TROAP: variants seen among roughly 807,000 people sequenced by gnomAD.
TROAP encodes the protein trophinin associated protein, also known as tastin.
Under a neutral mutation model 83.4 loss-of-function variants are expected in TROAP, and 62 were observed. That is an observed-to-expected ratio of 0.74 (90% CI 0.61 to 0.92). TROAP has a LOEUF of 0.92. Among genes scored for constraint, TROAP ranks in the 40% least tolerant of loss-of-function variants. The pLI, the probability that TROAP is intolerant of heterozygous loss-of-function variation, is 0.00. For synonymous variants in TROAP, 352 were observed against 386.4 expected (o/e 0.91, Z 1.04); for missense variants, 876 against 985.1 (o/e 0.89, Z 1.48).
chr12:49,325,366 TAA>T (rs541818565), intron 3 of TROAP, 133 bp from the exon 4 acceptor site: 10,855 of 753,454 alleles, frequency 0.014, 7 homozygotes, highest in African/African-American at 0.026. Context: ...ATCTATTTCT[TAA>T]AAAAAAAAAA....
Position 49,331,247 on chromosome 12 carries a change from T to C in TROAP, c.2132T>C (p.Leu711Pro). 6.2e-7 allele frequency: 1 copy of C among 1,614,216 alleles called. No individual in the cohort carries two copies. The highest frequency in any genetic ancestry group is 8.5e-7 in the Non-Finnish European group (1 of 1,180,038). Residue 711 changes from leucine (L) to proline (P), a missense_variant, in exon 14 of 15, where the codon CTG becomes CCG. This residue lies in a region of TROAP where 184 missense variants were observed against 238.3 expected (regional missense o/e 0.77). Transcript: ENST00000257909. ...LSNLAPRTLA[L>P]RERLKSCLTA... ...AATCTGGCCCCTCGAACCCTAGCCC[T>C]GAGGGAGCGCCTCAAATCGTGTTTA...
rs575406412 is a variant in TROAP at position 49,325,749 on chromosome 12, T to G, written c.498T>G (p.Gly166=). Residue 166 remains glycine (G), a splice_region_variant and synonymous_variant, in exon 5 of 15, where the codon GGT becomes GGG. Coordinates refer to ENST00000257909, the MANE Select transcript of TROAP (RefSeq NM_005480.4). The part of the protein sequence containing the change: ...SQGGTTQRVQ[G]VRASAYLAPR... ...GACAGCCTCTGTTGGTGTCCCAGGGTGTTCGGGCCTCTGCATATTTGGCCC... is the reference window on the plus strand; with the variant it reads ...GACAGCCTCTGTTGGTGTCCCAGGGGGTTCGGGCCTCTGCATATTTGGCCC... 6.2e-7 allele frequency: 1 copy of G among 1,613,484 alleles called. No individual in the cohort carries two copies. Among genetic ancestry groups the G allele is most frequent in the East Asian group, 2.2e-5 (1 of 44,882 alleles).
At chr12:49,331,106 G>A (rs1943575241) in intron 13 of TROAP, 108 bp from the exon 14 acceptor site, 1 of 1,551,722 alleles carries the variant, frequency 6.4e-7, no homozygotes, top group Non-Finnish European at 8.8e-7. Context: ...TGCACTTCCA[G>A]CCCTGTGCTC....
chr12:49,326,452 G>C (rs1943502465), intron 6 of TROAP, among the ~76,000 whole-genome samples: 2 of 152,196 alleles, frequency 1.3e-5, no homozygotes, highest in Non-Finnish European at 2.9e-5. Flanking sequence ...CAATAAGTGG[G>C]ATTTGGGTTT....
chr12:49,330,148 A>G lies in TROAP; in HGVS notation c.1303A>G (p.Ile435Val), dbSNP rs144871178. ...PSLQEVKIQRIGILQQLLRQE... is the reference protein window; with the variant it reads ...PSLQEVKIQRVGILQQLLRQE... ...GGGGTGCTCTCTCCCACCACAGCGC[A>G]TCGGTATCCTGCAACAGCTGTTGAG... Residue 435 changes from isoleucine to valine, a missense_variant, in exon 13 of 15, where the codon ATC becomes GTC. Physicochemically the swap from Ile to Val is conservative, Grantham distance 29 (BLOSUM62 3). This residue lies in a region of TROAP where 689 missense variants were observed against 722.6 expected (regional missense o/e 0.95). Coordinates refer to ENST00000257909, the MANE Select transcript of TROAP (RefSeq NM_005480.4). 3.7e-5 allele frequency: 60 copies of G among 1,613,582 alleles called. No homozygotes were observed. The African/African-American group carries it at 5.9e-4, about 16-fold the overall frequency.
chr12:49,326,775 G>A, intron 7 of TROAP, 55 bp downstream of exon 7: 1 of 1,541,952 alleles, frequency 6.5e-7, no homozygotes. Context: ...CCTGAAGCAG[G>A]GAACAAGACC....
chr12:49,329,452 TG>T lies in TROAP; in HGVS notation c.1164+1del. 6.2e-7 allele frequency: 1 copy of T among 1,608,740 alleles called. No homozygotes were observed. The highest frequency in any genetic ancestry group is 8.5e-7 in the Non-Finnish European group (1 of 1,177,102). ...CTGCTCTGAAGATCCTGCCCTGCCCTGGGTAAGTATCAGAAGCTTCCCCCTA... is the reference window on the plus strand; with the variant it reads ...CTGCTCTGAAGATCCTGCCCTGCCCTGGTAAGTATCAGAAGCTTCCCCCTA... ...QSCSEDPALP[W>X]EQVAVRLFDQ... is the part of the protein sequence containing the mutation. On this transcript the variant is annotated frameshift_variant and splice_region_variant, in exon 11 of 15. Coordinates refer to ENST00000257909, the MANE Select transcript of TROAP (RefSeq NM_005480.4). LOFTEE classifies it high-confidence loss of function. This position sits in a 1 kb window ranked among gnomAD's most constrained non-coding sequence, Gnocchi z 4.5.
chr12:49,325,874 T>C lies in TROAP; in HGVS notation c.623T>C (p.Leu208Pro). Residue 208 changes from leucine (L) to proline (P), a missense_variant, in exon 5 of 15, where the codon CTA (leucine) becomes CCA (proline). By Grantham distance (98) the Leu-to-Pro change is moderately conservative. Transcript: ENST00000257909. ...GGCCGGACATTGTGCCCCCAGAGGC[T>C]ACAGGCTCTGGTGAGTGCCCTTGAG... is the stretch of plus-strand genomic sequence containing the variant. ...PRGRTLCPQR[L>P]QALISPSGPS... The C allele has an allele frequency of 1.9e-6, 3 of 1,613,316 alleles. No homozygotes were observed. The highest frequency in any genetic ancestry group is 2.5e-6 in the Non-Finnish European group (3 of 1,179,878).
rs774899467 is a variant in TROAP at position 49,330,751 on chromosome 12, TG to T, written c.1907del (p.Cys636SerfsTer4). 1 of 1,614,012 alleles carries T rather than the reference TG, an allele frequency of 6.2e-7. No homozygotes were observed. Among genetic ancestry groups the T allele is most frequent in the Admixed American group, 1.7e-5 (1 of 60,012 alleles). ...TQGQSGPPGP[C>X]PRVELGASEP... Reference sequence around the variant, plus strand: ...GGGGCAGTCTGGACCCCCAGGGCCCTGCCCTAGGGTAGAGCTGGGGGCATCA... The same window carrying T: ...GGGGCAGTCTGGACCCCCAGGGCCCTCCCTAGGGTAGAGCTGGGGGCATCA... On this transcript the variant is annotated frameshift_variant, in exon 13 of 15. Coordinates refer to ENST00000257909, the MANE Select transcript of TROAP (RefSeq NM_005480.4). LOFTEE classifies it high-confidence loss of function.
At position 49,331,634 on chromosome 12, in the gene TROAP, G is replaced by A. The variant is rs186093263; in HGVS notation, c.*17G>A. On this transcript the variant is annotated 3_prime_UTR_variant, in exon 15 of 15. Transcript: ENST00000257909. The stretch of plus-strand genomic sequence containing the variant: ...TCTCCATGATGAGACAACCACTCCT[G>A]CCCTGCCGTACTTCTTCCTTTTAGC... The A allele has an allele frequency of 8.2e-4, 1,321 of 1,613,958 alleles. 10 individuals carry two copies. In the African/African-American group the frequency reaches 0.015, roughly 19 times the overall value.
intron 6 of TROAP, 50 bp downstream of exon 6, chr12:49,326,208 A>G (rs760376581): frequency 3.2e-6 from 5 of 1,582,802 alleles, no homozygotes; most frequent in Non-Finnish European, 4.3e-6. Context: ...AGAATGAACC[A>G]GTGTCTGATA....
chr12:49,323,827 C>T lies in TROAP; in HGVS notation c.145-18C>T, dbSNP rs1366851483. 1 of 1,613,774 alleles carries T rather than the reference C, an allele frequency of 6.2e-7. No homozygotes were observed. Among genetic ancestry groups the T allele is most frequent in the Non-Finnish European group, 8.5e-7 (1 of 1,179,864 alleles). ...CCAACACTAAACCTCACCTTTTTGT[C>T]CCCGCTCCCTCCCCTAGAGATGGGT... On this transcript the variant is annotated intron_variant, in intron 2 of 14. Transcript: ENST00000257909.
Position 49,325,583 on chromosome 12 carries a change from C to G in TROAP, c.420C>G (p.His140Gln). The G allele has an allele frequency of 6.2e-7, 1 of 1,613,970 alleles. No individual in the cohort carries two copies. The change falls in exon 4 of 15, where the codon CAC becomes CAG. Residue 140 changes from histidine to glutamine, a missense_variant. This residue lies in a region of TROAP where 689 missense variants were observed against 722.6 expected (regional missense o/e 0.95). Transcript: ENST00000257909. Reference sequence around the variant, plus strand: ...CAGGTGAGGGTGTGAAGAGCTGTCACCTGGGGCGCCAGCCTAGTCTGGCTA... The same window carrying G: ...CAGGTGAGGGTGTGAAGAGCTGTCAGCTGGGGCGCCAGCCTAGTCTGGCTA... ...ILSGEGVKSC[H>Q]LGRQPSLAKR...
chr12:49,330,290 C>G lies in TROAP; in HGVS notation c.1445C>G (p.Thr482Arg), dbSNP rs1306974871. ...GAGATTTCTAGAACTCTGAATGCCA[C>G]AGAGCATAACTCTGGGACTTCCCAC... The part of the protein sequence containing the change: ...LTEISRTLNA[T>R]EHNSGTSHLP... Residue 482 changes from threonine (T) to arginine (R), a missense_variant, in exon 13 of 15, where the codon ACA (threonine) becomes AGA (arginine). Physicochemically the swap from Thr to Arg is moderately conservative, Grantham distance 71. Around this residue, in one of 3 missense-constraint regions of TROAP, gnomAD observed 689 missense variants for 722.6 expected, o/e 0.95. Coordinates refer to ENST00000257909, the MANE Select transcript of TROAP (RefSeq NM_005480.4). The G allele has an allele frequency of 2.5e-6, 4 of 1,614,100 alleles. No homozygotes were observed. The East Asian group carries it at 6.7e-5, about 27-fold the overall frequency.
chr12:49,331,135 G>A, intron 13 of TROAP, 79 bp from the exon 14 acceptor site: 2 of 1,591,668 alleles, frequency 1.3e-6, no homozygotes, highest in Non-Finnish European at 1.7e-6. Context: ...CTTGGCCGTT[G>A]GTGGGGGAGG....
chr12:49,331,144 G>T, intron 13 of TROAP, 70 bp from the exon 14 acceptor site: 1 of 1,597,534 alleles, frequency 6.3e-7, no homozygotes, highest in Non-Finnish European at 8.5e-7. Flanking sequence ...TGGTGGGGGA[G>T]GAGGAGAGGA....
chr12:49,331,218 C>T lies in TROAP; in HGVS notation c.2103C>T (p.Leu701=). 1 of 1,614,192 alleles carries T rather than the reference C, an allele frequency of 6.2e-7. No individual in the cohort carries two copies. Among genetic ancestry groups the T allele is most frequent in the East Asian group, 2.2e-5 (1 of 44,882 alleles). ...SLRPPAGQAG[L]SNLAPRTLAL... Reference sequence around the variant, plus strand: ...TAAATTTTCCATGCCCCTCAGGCCTCAGCAATCTGGCCCCTCGAACCCTAG... The same window carrying T: ...TAAATTTTCCATGCCCCTCAGGCCTTAGCAATCTGGCCCCTCGAACCCTAG... The change falls in exon 14 of 15, where the codon CTC becomes CTT. Residue 701 remains leucine, a synonymous_variant. Transcript: ENST00000257909.
intron 3 of TROAP, chr12:49,324,488 T>C (rs372106336): frequency 3.4e-6 from 1 of 290,650 alleles, no homozygotes. Flanking sequence ...CTTGAGTCTG[T>C]TACCTGTCTA....
chr12:49,330,981 G>A, intron 13 of TROAP, 38 bp downstream of exon 13: 1 of 1,603,250 alleles, frequency 6.2e-7, no homozygotes, highest in South Asian at 1.1e-5. Flanking sequence ...AACACAAGAG[G>A]TCCTCACCTC....
Sources: gnomAD v4.1 joint callset for allele counts (sites outside exome capture counted in the v4.1 genomes callset) on GRCh38, gnomAD v4.1.1 for gene constraint, gnomAD v4.1.1 regional missense constraint, Gnocchi (gnomAD v3.1) non-coding constraint, MANE v1.5 for transcripts, NCBI Gene and HGNC (gene_info 2026-07-23, HGNC 2026-07-21) for gene names.